KLHL14: variants seen among roughly 807,000 people sequenced by gnomAD.
The protein encoded by KLHL14 is kelch-like protein 14.
Under a neutral mutation model 64.3 loss-of-function variants are expected in KLHL14, and 22 were observed. The ratio of observed to expected loss-of-function variants is 0.34; its 90% CI spans 0.24 to 0.49. The LOEUF (loss-of-function observed/expected upper bound fraction) is 0.49. Among genes scored for constraint, KLHL14 ranks in the 20% least tolerant of loss-of-function variants. KLHL14 has a pLI of 0.99. For missense variants in KLHL14, 661 were observed against 789.0 expected, an observed-to-expected ratio of 0.84 and a Z score of 1.94; for synonymous variants, 322 against 333.4, an observed-to-expected ratio of 0.97 and a Z score of 0.37.
At chr18:32,727,219 GA>G (rs1450793247) in intron 3 of KLHL14, among the ~76,000 whole-genome samples, 1 of 152,180 alleles carries the variant, frequency 6.6e-6, no homozygotes, top group Non-Finnish European at 1.5e-5. Flanking sequence ...CAAAGTATGG[GA>G]AACTTAACAA....
intron 4 of KLHL14, among the ~76,000 whole-genome samples, chr18:32,693,403 CACACACACACAG>C (rs2049919380): frequency 1.7e-5 from 2 of 120,788 alleles, no homozygotes; most frequent in East Asian, 2.2e-4. Context: ...CACACACACA[CACACACACACAG>C]AGAGAGAGAG....
chr18:32,771,665 C>A (rs2050386254), intron 1 of KLHL14, among the ~76,000 whole-genome samples: 1 of 152,196 alleles, frequency 6.6e-6, no homozygotes, highest in South Asian at 2.1e-4. Flanking sequence ...AGCCGGGAGG[C>A]CTGGAGGCCG....
rs2049992916 is a variant in KLHL14, at chr18:32,706,808, TG to T, written c.1070-11257del. ...ATCCTCTCACCCTCCACCCTAAAGA[TG>T]AGGCAGAGAGTGGCACAATTCTTGG... On this transcript the variant is annotated intron_variant, in intron 3 of 8. Transcript: ENST00000359358. 1.3e-5 allele frequency among the ~76,000 whole-genome samples: 2 copies of T among 152,046 alleles called. 1 individual carries two copies. Among genetic ancestry groups the T allele is most frequent in the South Asian group, 4.2e-4 (2 of 4,816 alleles).
chr18:32,680,710 A>C lies in KLHL14; in HGVS notation c.1239-111T>G, dbSNP rs1050232034. 1 of 1,051,186 alleles carries C rather than the reference A, an allele frequency of 9.5e-7. No individual in the cohort carries two copies. The highest frequency in any genetic ancestry group is 2.6e-5 in the East Asian group (1 of 38,440). 65.1% of individuals were successfully genotyped at this position (1,051,186 alleles called of 1,614,324 possible). ...CAGGGAAAGGGGTGCATTCTGCTTC[A>C]GAAAGGGTTGCAAATCTTTAAAAAT... On this transcript the variant is annotated intron_variant, in intron 5 of 8. Transcript: ENST00000359358. This position sits in a 1 kb window ranked among gnomAD's most constrained non-coding sequence, Gnocchi z 4.8.
At chr18:32,682,291 C>T (rs1290342506) in intron 5 of KLHL14, among the ~76,000 whole-genome samples, 3 of 151,976 alleles carry the variant, frequency 2.0e-5, no homozygotes, top group Non-Finnish European at 4.4e-5. Context: ...TTTGCTTTTT[C>T]TAGATTTTCT....
At chr18:32,730,804 G>T (rs2050133504) in intron 3 of KLHL14, among the ~76,000 whole-genome samples, 2 of 152,148 alleles carry the variant, frequency 1.3e-5, no homozygotes, top group African/African-American at 2.4e-5. Context: ...AAAGGTTATT[G>T]TTCTAGCTAA....
intron 3 of KLHL14, among the ~76,000 whole-genome samples, chr18:32,736,997 C>A (rs995452302): frequency 6.6e-6 from 1 of 152,006 alleles, no homozygotes; most frequent in Non-Finnish European, 1.5e-5. Flanking sequence ...ATCCTACCAT[C>A]CAACACAGAG....
At chr18:32,693,881 T>A (rs970761481) in intron 4 of KLHL14, among the ~76,000 whole-genome samples, 1 of 152,218 alleles carries the variant, frequency 6.6e-6, no homozygotes, top group African/African-American at 2.4e-5. Context: ...AAGGAATATG[T>A]CCTTTCAACT....
At chr18:32,699,190 G>T (rs1185030100) in intron 3 of KLHL14, among the ~76,000 whole-genome samples, 3 of 152,110 alleles carry the variant, frequency 2.0e-5, no homozygotes, top group Admixed American at 2.0e-4. Flanking sequence ...ATGGGAAAAA[G>T]GAGTCAAACT....
intron 3 of KLHL14, among the ~76,000 whole-genome samples, chr18:32,723,741 C>G (rs887353860): frequency 1.3e-5 from 2 of 152,158 alleles, no homozygotes; most frequent in African/African-American, 4.8e-5. Context: ...CCCAATTGAA[C>G]AGTGCCCCTC....
chr18:32,731,409 C>A (rs1218134112), intron 3 of KLHL14, among the ~76,000 whole-genome samples: 1 of 152,076 alleles, frequency 6.6e-6, no homozygotes. Flanking sequence ...ACTGCATGTT[C>A]TCTCTTATAA....
intron 4 of KLHL14, among the ~76,000 whole-genome samples, chr18:32,689,667 G>A (rs993724669): frequency 2.0e-5 from 3 of 152,120 alleles, no homozygotes; most frequent in South Asian, 2.1e-4. Flanking sequence ...TTCAAAGTTC[G>A]GACACACTGG....
chr18:32,733,998 T>C, intron 3 of KLHL14: 1 of 598,502 alleles, frequency 1.7e-6, no homozygotes, highest in East Asian at 2.8e-5. Flanking sequence ...ATCAGCTTGA[T>C]GTTGGGATGA....
chr18:32,767,326 A>G (rs942076355), intron 2 of KLHL14, among the ~76,000 whole-genome samples: 3 of 152,048 alleles, frequency 2.0e-5, no homozygotes, highest in South Asian at 2.1e-4. Context: ...AATTACAATT[A>G]AAATAATGTA....
chr18:32,721,160 A>G (rs892559235), intron 3 of KLHL14, among the ~76,000 whole-genome samples: 1 of 152,216 alleles, frequency 6.6e-6, no homozygotes, highest in Non-Finnish European at 1.5e-5. Flanking sequence ...GCACTTCAGT[A>G]ATCATGCCCT....
At chr18:32,761,299 A>G (rs181579026) in intron 2 of KLHL14, among the ~76,000 whole-genome samples, 2 of 152,092 alleles carry the variant, frequency 1.3e-5, no homozygotes, top group East Asian at 3.9e-4. Flanking sequence ...TTTCCATTTT[A>G]AAATGTATCT....
At position 32,717,398 on chromosome 18, in the gene KLHL14, C is replaced by T. The variant is rs139161873; in HGVS notation, c.1070-21846G>A. Among the ~76,000 whole-genome samples the T allele has an allele frequency of 3.6e-3, 544 of 152,278 alleles. 1 individual carries two copies. Among genetic ancestry groups the T allele is most frequent in the African/African-American group, 0.011 (476 of 41,558 alleles). ...TGAACTGTAGAATTAGTCTATGATTCGTACGAAATGCCTCAGAAAACACCA... is the reference window on the plus strand; with the variant it reads ...TGAACTGTAGAATTAGTCTATGATTTGTACGAAATGCCTCAGAAAACACCA... On this transcript the variant is annotated intron_variant, in intron 3 of 8. Transcript: ENST00000359358.
chr18:32,711,535 A>C lies in KLHL14; in HGVS notation c.1070-15983T>G, dbSNP rs186695331. ...TGGTGACAAAATGGGGAGTAACATC[A>C]CTCTTACCTGCAAAACGTTGGCTGC... On this transcript the variant is annotated intron_variant, in intron 3 of 8. Transcript: ENST00000359358. 3.9e-5 allele frequency among the ~76,000 whole-genome samples: 6 copies of C among 152,240 alleles called. No individual in the cohort carries two copies. The East Asian group carries it at 1.2e-3, about 29-fold the overall frequency.
chr18:32,680,211 T>TA lies in KLHL14; in HGVS notation c.1545_1546insT (p.Met516TyrfsTer3). ...CCAATTGCATACAAGCGATCATTCA[T>TA]TACAGCCAAAGTGTGAATTGCACGT... On this transcript the variant is annotated frameshift_variant, in exon 7 of 9. Transcript: ENST00000359358. LOFTEE classifies it high-confidence loss of function. This position sits in a 1 kb window ranked among gnomAD's most constrained non-coding sequence, Gnocchi z 4.8. The TA allele has an allele frequency of 6.2e-7, 1 of 1,613,842 alleles. No homozygotes were observed. The highest frequency in any genetic ancestry group is 8.5e-7 in the Non-Finnish European group (1 of 1,179,814).
Sources: gnomAD v4.1 joint callset for allele counts (sites outside exome capture counted in the v4.1 genomes callset) on GRCh38, gnomAD v4.1.1 for gene constraint, Gnocchi (gnomAD v3.1) non-coding constraint, MANE v1.5 for transcripts, NCBI Gene and HGNC (gene_info 2026-07-23, HGNC 2026-07-21) for gene names.